TBC1D22A: variants seen among roughly 807,000 people sequenced by gnomAD.
TBC1D22A encodes putative GTPase activator.
In TBC1D22A, 38 loss-of-function variants were observed where a neutral mutation model predicts 60.2. The observed-to-expected ratio is 0.63, with a 90% confidence interval of 0.49 to 0.83. The LOEUF (loss-of-function observed/expected upper bound fraction) is 0.83. Ranked by LOEUF, TBC1D22A falls within the 40% of genes least tolerant of loss-of-function variation. The pLI, the probability that TBC1D22A is intolerant of heterozygous loss-of-function variation, is 0.00. For missense variants in TBC1D22A, 628 were observed against 701.0 expected (o/e 0.90, Z 1.18); for synonymous variants, 302 against 281.7 (o/e 1.07, Z -0.72).
chr22:46,763,131 T>C (rs801640), intron 1 of TBC1D22A: 217,805 of 404,494 alleles, frequency 0.54, 60,083 homozygotes, highest in African/African-American at 0.68. Context: ...CCTGGGCTCC[T>C]TGGGGAGGCT....
intron 8 of TBC1D22A, among the ~76,000 whole-genome samples, chr22:46,968,883 A>C: frequency 6.6e-6 from 1 of 152,098 alleles, no homozygotes; most frequent in East Asian, 1.9e-4. Flanking sequence ...CCATTTCAAA[A>C]ACTTAGCTTT....
At chr22:47,075,920 AT>A (rs1468204781) in intron 11 of TBC1D22A, among the ~76,000 whole-genome samples, 1 of 152,296 alleles carries the variant, frequency 6.6e-6, no homozygotes, top group African/African-American at 2.4e-5. Flanking sequence ...GACAAAATTG[AT>A]TTTAAGCCAA....
intron 4 of TBC1D22A, among the ~76,000 whole-genome samples, chr22:46,814,734 C>T (rs2147058745): frequency 6.6e-6 from 1 of 152,086 alleles, no homozygotes; most frequent in African/African-American, 2.4e-5. Context: ...GCAACCTCCG[C>T]CTCACAGGTT....
chr22:46,941,783 A>G (rs577514283), intron 8 of TBC1D22A, among the ~76,000 whole-genome samples: 1 of 136,728 alleles, frequency 7.3e-6, no homozygotes, highest in Non-Finnish European at 1.6e-5. Flanking sequence ...TATACGGAAT[A>G]TATATAGAAT....
intron 8 of TBC1D22A, among the ~76,000 whole-genome samples, chr22:46,933,779 C>A (rs2071489933): frequency 6.6e-6 from 1 of 152,338 alleles, no homozygotes; most frequent in African/African-American, 2.4e-5. Flanking sequence ...ACTGAAGGTT[C>A]AGTTCTGTTT....
chr22:46,805,290 C>CA (rs1844478732), intron 4 of TBC1D22A, among the ~76,000 whole-genome samples: 1 of 152,266 alleles, frequency 6.6e-6, no homozygotes, highest in African/African-American at 2.4e-5. Context: ...AGTGGGGCAT[C>CA]ACTGGTTTTC....
intron 11 of TBC1D22A, among the ~76,000 whole-genome samples, chr22:47,096,779 G>C (rs868401015): frequency 6.6e-5 from 10 of 152,136 alleles, no homozygotes; most frequent in Middle Eastern, 3.2e-3. Flanking sequence ...CCGAGATTGT[G>C]CCACAGCACT....
At chr22:47,086,507 G>A (rs1011043620) in intron 11 of TBC1D22A, among the ~76,000 whole-genome samples, 1 of 152,138 alleles carries the variant, frequency 6.6e-6, no homozygotes, top group African/African-American at 2.4e-5. Flanking sequence ...CTTAATCTGG[G>A]TAAAGGGTCC....
chr22:47,157,394 C>G (rs5767547), intron 12 of TBC1D22A, among the ~76,000 whole-genome samples: 93,010 of 152,050 alleles, frequency 0.61, 28,700 homozygotes, highest in East Asian at 0.73. Context: ...CGTTATCTCT[C>G]ATTATTTGGC....
At chr22:46,884,779 T>TG (rs36077731) in intron 5 of TBC1D22A, among the ~76,000 whole-genome samples, 1 of 152,026 alleles carries the variant, frequency 6.6e-6, no homozygotes, top group Non-Finnish European at 1.5e-5. Flanking sequence ...CTAGATGAAA[T>TG]GGGTCCTAGC....
intron 4 of TBC1D22A, among the ~76,000 whole-genome samples, chr22:46,823,865 G>T (rs984485804): frequency 4.6e-5 from 7 of 152,106 alleles, no homozygotes; most frequent in South Asian, 2.1e-4. Context: ...TGCTGCACAC[G>T]CACACCTGAC....
At chr22:46,939,118 A>C (rs1383217032) in intron 8 of TBC1D22A, among the ~76,000 whole-genome samples, 1 of 149,000 alleles carries the variant, frequency 6.7e-6, no homozygotes, top group African/African-American at 2.5e-5. Flanking sequence ...CAGAGAATTT[A>C]GAATTTTTTA....
intron 7 of TBC1D22A, among the ~76,000 whole-genome samples, chr22:46,907,517 C>G (rs1030667574): frequency 1.3e-5 from 2 of 152,210 alleles, no homozygotes; most frequent in African/African-American, 4.8e-5. Context: ...GCCAATGGCA[C>G]AAAACCTGGA....
At chr22:46,775,077 A>T (rs2083646836) in intron 1 of TBC1D22A, among the ~76,000 whole-genome samples, 1 of 152,232 alleles carries the variant, frequency 6.6e-6, no homozygotes, top group Non-Finnish European at 1.5e-5. Context: ...AGTCGTCTGG[A>T]TGAGCTCCTG....
chr22:46,880,477 G>A (rs9626916), intron 5 of TBC1D22A, among the ~76,000 whole-genome samples: 1,726 of 152,262 alleles, frequency 0.011, 30 homozygotes, highest in African/African-American at 0.037. Context: ...TTCTCAGAGC[G>A]TTGACTTATG....
intron 9 of TBC1D22A, among the ~76,000 whole-genome samples, chr22:46,988,200 G>A (rs529043541): frequency 1.3e-5 from 2 of 152,186 alleles, no homozygotes; most frequent in South Asian, 2.1e-4. Context: ...TAATTCTGTT[G>A]TCTATTTCCA....
intron 10 of TBC1D22A, among the ~76,000 whole-genome samples, chr22:47,032,196 C>G (rs959437866): frequency 5.9e-5 from 9 of 152,122 alleles, no homozygotes; most frequent in African/African-American, 1.9e-4. Flanking sequence ...GTGCACCTTC[C>G]CCAGCAGTCA....
intron 9 of TBC1D22A, among the ~76,000 whole-genome samples, chr22:46,980,622 G>A (rs914751741): frequency 6.7e-6 from 1 of 148,214 alleles, no homozygotes; most frequent in African/African-American, 2.5e-5. Flanking sequence ...TACCAACTGG[G>A]CAACACAGAG....
chr22:46,813,801 C>T (rs865775010), intron 4 of TBC1D22A, among the ~76,000 whole-genome samples: 3 of 152,222 alleles, frequency 2.0e-5, no homozygotes, highest in East Asian at 1.9e-4. Context: ...TGCTGGGCCC[C>T]GGAGGCTGAG....
Sources: gnomAD v4.1 joint callset for allele counts (sites outside exome capture counted in the v4.1 genomes callset) on GRCh38, gnomAD v4.1.1 for gene constraint, MANE v1.5 for transcripts, NCBI Gene and HGNC (gene_info 2026-07-23, HGNC 2026-07-21) for gene names.